GRHL2: variants seen among roughly 807,000 people sequenced by gnomAD.
GRHL2 encodes the protein grainyhead-like protein 2 homolog.
In GRHL2, 21 loss-of-function variants were observed where a neutral mutation model predicts 83.8. The observed-to-expected ratio is 0.25, with a 90% CI of 0.18 to 0.36. The LOEUF is 0.36. GRHL2 is among the 10% of genes least tolerant of loss of function. The pLI is 1.00. For synonymous variants in GRHL2, 280 were observed against 278.9 expected (o/e 1.00, Z -0.04); for missense variants, 623 against 781.8 (o/e 0.80, Z 2.42).
At chr8:101,569,139 T>C (rs1011639473) in intron 4 of GRHL2, among the ~76,000 whole-genome samples, 1 of 152,190 alleles carries the variant, frequency 6.6e-6, no homozygotes, top group African/African-American at 2.4e-5. Flanking sequence ...AGATACGTGG[T>C]CAATGAAATG....
chr8:101,514,635 C>T (rs1219839924), intron 1 of GRHL2, among the ~76,000 whole-genome samples: 3 of 152,228 alleles, frequency 2.0e-5, no homozygotes, highest in African/African-American at 7.2e-5. Context: ...CCATGGGCAG[C>T]TGCTCTCCCG....
At chr8:101,639,518 C>T (rs1306488975) in intron 12 of GRHL2, among the ~76,000 whole-genome samples, 4 of 152,194 alleles carry the variant, frequency 2.6e-5, no homozygotes, top group Non-Finnish European at 5.9e-5. Context: ...GTGATGGAGG[C>T]AGGATTTAAA....
intron 12 of GRHL2, among the ~76,000 whole-genome samples, chr8:101,640,927 A>G (rs1813388321): frequency 6.6e-6 from 1 of 152,204 alleles, no homozygotes; most frequent in South Asian, 2.1e-4. Flanking sequence ...ACCACCATGT[A>G]TAATCTCTTC....
chr8:101,496,046 G>T (rs1190337227), intron 1 of GRHL2, among the ~76,000 whole-genome samples: 1 of 151,432 alleles, frequency 6.6e-6, no homozygotes, highest in South Asian at 2.1e-4. Flanking sequence ...TACTTGGGAG[G>T]CTGAGGCAGG....
At chr8:101,539,523 CT>C (rs1190179574) in intron 1 of GRHL2, among the ~76,000 whole-genome samples, 7 of 152,198 alleles carry the variant, frequency 4.6e-5, no homozygotes, top group Non-Finnish European at 7.3e-5. Flanking sequence ...CTTCTTAGTT[CT>C]TTCTGGAGGC....
intron 8 of GRHL2, among the ~76,000 whole-genome samples, chr8:101,602,040 T>C (rs1050023596): frequency 2.6e-5 from 4 of 152,332 alleles, no homozygotes; most frequent in South Asian, 4.1e-4. Flanking sequence ...TGTGTTCTCA[T>C]TGTTCAGCTC....
intron 8 of GRHL2, among the ~76,000 whole-genome samples, chr8:101,609,961 C>T (rs928718038): frequency 3.3e-5 from 5 of 150,502 alleles, no homozygotes; most frequent in African/African-American, 5.0e-5. Context: ...CCGAAAAAGT[C>T]GAGTGAATGA....
chr8:101,676,031 C>T, the GRHL2 span, among the ~76,000 whole-genome samples: 133 of 152,214 alleles, frequency 8.7e-4, no homozygotes, highest in Non-Finnish European at 7.2e-4. Flanking sequence ...AACTGGATCC[C>T]TTCCTTACAC....
In GRHL2 at chr8:101,635,920, A is replaced by G. The variant is rs116110383; in HGVS notation, c.1486-977A>G. 4.2e-3 allele frequency among the ~76,000 whole-genome samples: 639 copies of G among 152,200 alleles called. 5 individuals carry two copies. Among genetic ancestry groups the G allele is most frequent in the African/African-American group, 0.014 (595 of 41,518 alleles). On this transcript the variant is annotated intron_variant, in intron 11 of 15. Coordinates refer to ENST00000646743, the MANE Select transcript of GRHL2 (RefSeq NM_024915.4). ...AGGAACTGCCAAGAGCCTTTGAGAG[A>G]GTTTGCAGGGAGGTTGTCTATCTAG...
At chr8:101,609,831 G>A (rs1211506065) in intron 8 of GRHL2, among the ~76,000 whole-genome samples, 1 of 150,956 alleles carries the variant, frequency 6.6e-6, no homozygotes, top group Non-Finnish European at 1.5e-5. Flanking sequence ...AAGGAAGGGA[G>A]GTCATTTTCA....
intron 8 of GRHL2, among the ~76,000 whole-genome samples, chr8:101,618,455 T>G (rs1391050377): frequency 3.9e-5 from 6 of 152,296 alleles, no homozygotes; most frequent in Middle Eastern, 3.4e-3. Context: ...CTGTTTCAGA[T>G]CTTACATTTA....
chr8:101,543,212 T>C (rs1811190855), intron 1 of GRHL2, 29 bp from the exon 2 acceptor site: 2 of 1,588,998 alleles, frequency 1.3e-6, no homozygotes, highest in Non-Finnish European at 1.7e-6. Context: ...TCTCTGAAAA[T>C]GAACCTCACA....
At chr8:101,501,275 A>G (rs1810223116) in intron 1 of GRHL2, among the ~76,000 whole-genome samples, 1 of 152,250 alleles carries the variant, frequency 6.6e-6, no homozygotes. Flanking sequence ...TTTCACTCCC[A>G]AGGAAATGCT....
At chr8:101,600,730 A>G (rs189808387) in intron 8 of GRHL2, among the ~76,000 whole-genome samples, 18 of 152,338 alleles carry the variant, frequency 1.2e-4, no homozygotes, top group African/African-American at 4.3e-4. Context: ...CTGAGGGCAT[A>G]AAGCATGATG....
rs1296511438 is a variant in GRHL2, at chr8:101,669,246, A to ATTTTTTTTT, written c.*2550_*2551insTTTTTTTTT. 1 of 9,728 alleles carries ATTTTTTTTT rather than the reference A, an allele frequency of 1.0e-4. No homozygotes were observed. Among genetic ancestry groups the ATTTTTTTTT allele is most frequent in the Non-Finnish European group, 2.2e-4 (1 of 4,568 alleles). 0.6% of individuals were successfully genotyped at this position (9,728 alleles called of 1,614,324 possible). On this transcript the variant is annotated 3_prime_UTR_variant, in exon 16 of 16. Coordinates refer to ENST00000646743, the MANE Select transcript of GRHL2 (RefSeq NM_024915.4). ...AAGATCATGGACATGTGAAATGAGC[A>ATTTTTTTTT]TTTTTTTCTTTTTTTTTTTTAACAA...
At chr8:101,534,602 G>T (rs1270498827) in intron 1 of GRHL2, among the ~76,000 whole-genome samples, 5 of 152,058 alleles carry the variant, frequency 3.3e-5, no homozygotes, top group Non-Finnish European at 2.9e-5. Context: ...ATCAATGAGG[G>T]CCATATGGGA....
At chr8:101,647,750 C>CTTTTTCT (rs768137328) in intron 13 of GRHL2, among the ~76,000 whole-genome samples, 3 of 151,048 alleles carry the variant, frequency 2.0e-5, no homozygotes, top group South Asian at 2.1e-4. Flanking sequence ...TTTTCTTTTT[C>CTTTTTCT]TTTTTTTTTC....
At chr8:101,499,653 T>G (rs1810182416) in intron 1 of GRHL2, among the ~76,000 whole-genome samples, 1 of 152,198 alleles carries the variant, frequency 6.6e-6, no homozygotes, top group Non-Finnish European at 1.5e-5. Flanking sequence ...TTGGAAAAAT[T>G]TGAAGTCATT....
chr8:101,590,253 C>G lies in GRHL2; in HGVS notation c.1004-8804C>G, dbSNP rs1812251731. Among the ~76,000 whole-genome samples the G allele has an allele frequency of 2.0e-5, 3 of 152,156 alleles. No individual in the cohort carries two copies. The South Asian group carries it at 6.2e-4, about 32-fold the overall frequency. On this transcript the variant is annotated intron_variant, in intron 7 of 15. Transcript: ENST00000646743. ...AAAGCATTATAAAGAAAATAATGAACTCATAAGTGAGTTCTTGTGAGTCAT... is the reference window on the plus strand; with the variant it reads ...AAAGCATTATAAAGAAAATAATGAAGTCATAAGTGAGTTCTTGTGAGTCAT...
Sources: gnomAD v4.1 joint callset for allele counts (sites outside exome capture counted in the v4.1 genomes callset) on GRCh38, gnomAD v4.1.1 for gene constraint, MANE v1.5 for transcripts, NCBI Gene and HGNC (gene_info 2026-07-23, HGNC 2026-07-21) for gene names.